Variants in PTPRN2 observed in about 807,000 individuals in gnomAD.
The protein encoded by PTPRN2 is receptor-type tyrosine-protein phosphatase N2.
PTPRN2 carries 74 observed loss-of-function variants against 118.8 expected under a neutral mutation model. That is an observed-to-expected ratio of 0.62 (90% CI 0.52 to 0.76). The LOEUF is 0.76. Ranked by LOEUF, PTPRN2 falls within the 30% of genes least tolerant of loss-of-function variation. The probability of loss-of-function intolerance (pLI) is 0.00; values close to 1 mark genes in which losing one functional copy is unlikely to be tolerated. For missense variants in PTPRN2, 1,481 were observed against 1,394.4 expected (o/e 1.06, Z -0.99); for synonymous variants, 641 against 608.0 (o/e 1.05, Z -0.80).
At position 158,570,388 on chromosome 7, in the gene PTPRN2, T is replaced by C. The variant is rs1176292084; in HGVS notation, c.112+17170A>G. 6.6e-6 allele frequency among the ~76,000 whole-genome samples: 1 copy of C among 152,132 alleles called. No individual in the cohort carries two copies. Among genetic ancestry groups the C allele is most frequent in the Non-Finnish European group, 1.5e-5 (1 of 68,030 alleles). ...AAATTAATACATAATAAAGGCTGCG[T>C]CCAACCAGATGAGGACAGAACCGAG... is the stretch of plus-strand genomic sequence containing the variant. On this transcript the variant is annotated intron_variant, in intron 1 of 22. Coordinates refer to ENST00000389418, the MANE Select transcript of PTPRN2 (RefSeq NM_002847.5). This position sits in a 1 kb window ranked among gnomAD's most constrained non-coding sequence, Gnocchi z 4.5.
Position 158,574,432 on chromosome 7 carries a change from T to C in PTPRN2, c.112+13126A>G, listed in dbSNP as rs552026569. ...CATATATAACTTGTAAATAAGAATA[T>C]GTATCCGGTAAATAAATGCACATTT... is the stretch of plus-strand genomic sequence containing the variant. On this transcript the variant is annotated intron_variant, in intron 1 of 22. Transcript: ENST00000389418. The surrounding 1 kb of genome is among the most constrained non-coding windows in gnomAD (Gnocchi z 4.6). Among the ~76,000 whole-genome samples, 23 of 152,322 alleles carry C rather than the reference T, an allele frequency of 1.5e-4. No homozygotes were observed. In the South Asian group the frequency reaches 3.9e-3, roughly 26 times the overall value.
chr7:157,689,383 C>T (rs938467864), intron 12 of PTPRN2, among the ~76,000 whole-genome samples: 2 of 152,180 alleles, frequency 1.3e-5, no homozygotes, highest in African/African-American at 4.8e-5. Flanking sequence ...TCCGGGACCC[C>T]GGGGCCGCTG....
intron 3 of PTPRN2, among the ~76,000 whole-genome samples, chr7:158,297,834 A>G (rs1800607326): frequency 6.6e-6 from 1 of 152,246 alleles, no homozygotes; most frequent in Non-Finnish European, 1.5e-5. Flanking sequence ...GTTTGTGGAC[A>G]GAATGAATTT....
chr7:157,654,417 A>T (rs976582839), intron 14 of PTPRN2, among the ~76,000 whole-genome samples: 1 of 152,214 alleles, frequency 6.6e-6, no homozygotes, highest in Non-Finnish European at 1.5e-5. Context: ...TTTTCAAAAC[A>T]GCATTGGTTG....
chr7:158,070,381 G>A (rs1215835366), intron 11 of PTPRN2, among the ~76,000 whole-genome samples: 1 of 143,438 alleles, frequency 7.0e-6, no homozygotes, highest in African/African-American at 2.6e-5. Context: ...AGGTGCCCGT[G>A]GTGGTGGAGG....
intron 2 of PTPRN2, among the ~76,000 whole-genome samples, chr7:158,441,800 A>G (rs377143802): frequency 1.7e-5 from 2 of 118,912 alleles, no homozygotes; most frequent in East Asian, 2.9e-4. Context: ...AGTGATGGTC[A>G]TGGCAGTGGT....
At chr7:158,034,132 C>G (rs745335129) in intron 11 of PTPRN2, among the ~76,000 whole-genome samples, 4 of 151,318 alleles carry the variant, frequency 2.6e-5, no homozygotes, top group Non-Finnish European at 5.9e-5. Context: ...TGGCTGCACA[C>G]TGAGACCTCA....
At position 157,570,969 on chromosome 7, in the gene PTPRN2, G is replaced by A. The variant is rs567293415; in HGVS notation, c.2837+471C>T. ...TAGAAAATATTCCATGTGAGGCCTCGCGCGGTGGCTCACGCCTGTAATCCC... is the reference window on the plus strand; with the variant it reads ...TAGAAAATATTCCATGTGAGGCCTCACGCGGTGGCTCACGCCTGTAATCCC... On this transcript the variant is annotated intron_variant, in intron 20 of 22. Coordinates refer to ENST00000389418, the MANE Select transcript of PTPRN2 (RefSeq NM_002847.5). Among the ~76,000 whole-genome samples the A allele has an allele frequency of 8.5e-5, 13 of 152,298 alleles. No homozygotes were observed. In the East Asian group the frequency reaches 1.4e-3, roughly 16 times the overall value.
chr7:157,951,136 T>C (rs1392318080), intron 11 of PTPRN2, among the ~76,000 whole-genome samples: 1 of 151,920 alleles, frequency 6.6e-6, no homozygotes, highest in Non-Finnish European at 1.5e-5. Context: ...CCAGGTGCCG[T>C]CCCCTGACCA....
In PTPRN2 at chr7:158,142,376, C is replaced by G. The variant is rs114789529; in HGVS notation, c.911-3861G>C. On this transcript the variant is annotated intron_variant, in intron 6 of 22. Coordinates refer to ENST00000389418, the MANE Select transcript of PTPRN2 (RefSeq NM_002847.5). Reference sequence around the variant, plus strand: ...TGCCCTCGCCCAGCCTCCGGACTGACGCTGGCGCATCCCTGTATCGACCCA... The same window carrying G: ...TGCCCTCGCCCAGCCTCCGGACTGAGGCTGGCGCATCCCTGTATCGACCCA... 2.6e-5 allele frequency among the ~76,000 whole-genome samples: 4 copies of G among 152,324 alleles called. No individual in the cohort carries two copies. The East Asian group carries it at 7.7e-4, about 29-fold the overall frequency.
intron 1 of PTPRN2, among the ~76,000 whole-genome samples, chr7:158,572,134 C>T (rs1421971541): frequency 2.6e-5 from 4 of 152,128 alleles, no homozygotes; most frequent in Non-Finnish European, 4.4e-5. Flanking sequence ...CTGTCTTGCT[C>T]GTGTTTGCAA....
At chr7:158,078,268 G>GCCTCAGGT (rs1245015801) in intron 11 of PTPRN2, among the ~76,000 whole-genome samples, 1 of 152,192 alleles carries the variant, frequency 6.6e-6, no homozygotes, top group Non-Finnish European at 1.5e-5. Flanking sequence ...AATAACAGCA[G>GCCTCAGGT]CCTCAGGTCC....
intron 11 of PTPRN2, among the ~76,000 whole-genome samples, chr7:157,955,367 C>G (rs1309374769): frequency 2.0e-5 from 3 of 151,916 alleles, no homozygotes; most frequent in Non-Finnish European, 4.4e-5. Flanking sequence ...GCTGGGAGAC[C>G]TATCTAGAAT....
chr7:158,367,471 C>T (rs903533884), intron 2 of PTPRN2, among the ~76,000 whole-genome samples: 2 of 152,216 alleles, frequency 1.3e-5, no homozygotes, highest in African/African-American at 4.8e-5. Context: ...CGCAGTGGTT[C>T]ACAGGATGGA....
At chr7:157,865,450 A>C (rs549002371) in intron 12 of PTPRN2, 1 of 152,276 alleles carries the variant, frequency 6.6e-6, no homozygotes, top group South Asian at 2.1e-4. Flanking sequence ...GCTCATCCTC[A>C]TGCATGCACA....
At chr7:158,312,834 G>A (rs1004134996) in intron 3 of PTPRN2, among the ~76,000 whole-genome samples, 1 of 150,800 alleles carries the variant, frequency 6.6e-6, no homozygotes, top group African/African-American at 2.4e-5. Flanking sequence ...TCCCCTACAC[G>A]TGAGCATGGG....
intron 11 of PTPRN2, among the ~76,000 whole-genome samples, chr7:158,062,124 A>G (rs943185079): frequency 2.0e-5 from 3 of 152,268 alleles, no homozygotes; most frequent in African/African-American, 4.8e-5. Context: ...GGCGACGGCC[A>G]TGGCACAGAG....
chr7:158,077,398 C>T (rs1237537485), intron 11 of PTPRN2, among the ~76,000 whole-genome samples: 3 of 152,152 alleles, frequency 2.0e-5, no homozygotes, highest in Admixed American at 6.5e-5. Flanking sequence ...TGACACGGGG[C>T]GCCTCTCCAA....
chr7:157,702,292 G>A (rs997560250), intron 12 of PTPRN2, among the ~76,000 whole-genome samples: 8 of 151,910 alleles, frequency 5.3e-5, no homozygotes, highest in Non-Finnish European at 8.8e-5. Context: ...AAGCCTGGTC[G>A]GTCCTGGTGT....
Sources: allele counts gnomAD v4.1 joint callset (sites outside exome capture counted in the v4.1 genomes callset), GRCh38; gene constraint gnomAD v4.1.1; non-coding constraint Gnocchi (gnomAD v3.1); transcripts MANE v1.5; gene names NCBI Gene and HGNC (gene_info 2026-07-23, HGNC 2026-07-21).